The following LAMA2 variants were observed in gnomAD, a reference collection of about 807,000 sequenced individuals.
LAMA2 encodes laminin subunit alpha-2.
Under a neutral mutation model 364.8 loss-of-function variants are expected in LAMA2, and 269 were observed. The ratio of observed to expected loss-of-function variants is 0.74; its 90% CI spans 0.67 to 0.82. The LOEUF is 0.82. Among genes scored for constraint, LAMA2 ranks in the 40% least tolerant of loss-of-function variants. The probability of loss-of-function intolerance (pLI) is 0.00; values close to 1 mark genes in which losing one functional copy is unlikely to be tolerated. For synonymous variants in LAMA2, 1,379 were observed against 1,370.6 expected, an observed-to-expected ratio of 1.01 and a Z score of -0.14; for missense variants, 3,807 against 3,873.2, an observed-to-expected ratio of 0.98 and a Z score of 0.45.
At chr6:129,072,961 T>C (rs1419222906) in intron 3 of LAMA2, among the ~76,000 whole-genome samples, 1 of 152,118 alleles carries the variant, frequency 6.6e-6, no homozygotes, top group Non-Finnish European at 1.5e-5. Flanking sequence ...GTTAGTATAC[T>C]TTGTTTATTT....
intron 16 of LAMA2, 93 bp downstream of exon 16, chr6:129,267,312 C>T: frequency 5.8e-6 from 5 of 856,022 alleles, no homozygotes; most frequent in South Asian, 4.0e-5. Context: ...GGACCTTAAA[C>T]ACTTGAGTCA....
At chr6:129,380,979 A>T (rs1778651338) in intron 34 of LAMA2, among the ~76,000 whole-genome samples, 1 of 152,224 alleles carries the variant, frequency 6.6e-6, no homozygotes, top group Non-Finnish European at 1.5e-5. Context: ...CCAGAATTTA[A>T]AAGAGACAGT....
chr6:129,198,283 CTTT>C (rs1444362092), intron 12 of LAMA2, among the ~76,000 whole-genome samples: 1 of 151,834 alleles, frequency 6.6e-6, no homozygotes, highest in Non-Finnish European at 1.5e-5. Context: ...GTGAATTTCT[CTTT>C]TTATCTTTGT....
At chr6:129,235,013 AG>A (rs1784895833) in intron 12 of LAMA2, among the ~76,000 whole-genome samples, 1 of 152,162 alleles carries the variant, frequency 6.6e-6, no homozygotes, top group African/African-American at 2.4e-5. Flanking sequence ...TAAAAGTGGG[AG>A]TAAAATCTTA....
Position 129,438,709 on chromosome 6 carries a change from A to T in LAMA2, c.6032A>T (p.Asp2011Val), listed in dbSNP as rs748201053. The part of the protein sequence containing the change: ...RIENADARNG[D>V]LLRTLNDTLG... ...GAAAATGCTGATGCTAGAAATGGGG[A>T]TCTCTTGAGAACTTTGAATGACACT... The change falls in exon 42 of 65, where the codon GAT becomes GTT. Residue 2011 changes from aspartate to valine, a missense_variant. By Grantham distance (152) the Asp-to-Val change is radical (BLOSUM62 -3). This residue lies in a region of LAMA2 where 3,333 missense variants were observed against 3,345.7 expected (regional missense o/e 1.00). Coordinates refer to ENST00000421865, the MANE Select transcript of LAMA2 (RefSeq NM_000426.4). 5 of 1,609,732 alleles carry T rather than the reference A, an allele frequency of 3.1e-6. No homozygotes were observed. The African/African-American group carries it at 6.7e-5, about 22-fold the overall frequency.
At chr6:129,222,349 AT>A (rs199992815) in intron 12 of LAMA2, among the ~76,000 whole-genome samples, 15,248 of 147,286 alleles carry the variant, frequency 0.1, 1,018 homozygotes, top group East Asian at 0.3. Context: ...GGTACATAGC[AT>A]TTTTTTTTTT....
At chr6:129,469,509 G>A (rs1311248778) in intron 51 of LAMA2, among the ~76,000 whole-genome samples, 1 of 151,850 alleles carries the variant, frequency 6.6e-6, no homozygotes, top group East Asian at 1.9e-4. Flanking sequence ...GATATAAAGT[G>A]GCATAACATT....
intron 9 of LAMA2, among the ~76,000 whole-genome samples, chr6:129,167,953 A>G (rs1418329522): frequency 4.6e-4 from 65 of 141,158 alleles, no homozygotes; most frequent in Admixed American, 6.5e-4. Context: ...TTGGCTGCAT[A>G]AATGTCTTCT....
rs1465903877 is a variant in LAMA2, at chr6:129,503,213, A to G, written c.8480A>G (p.Tyr2827Cys). 5 of 1,614,110 alleles carry G rather than the reference A, an allele frequency of 3.1e-6. No homozygotes were observed. Among genetic ancestry groups the G allele is most frequent in the Non-Finnish European group, 3.4e-6 (4 of 1,179,962 alleles). Residue 2827 changes from tyrosine to cysteine, a missense_variant, in exon 60 of 65, where the codon TAT (tyrosine) becomes TGT (cysteine). Around this residue, in one of 3 missense-constraint regions of LAMA2, gnomAD observed 3,333 missense variants for 3,345.7 expected, o/e 1.00. Transcript: ENST00000421865. Reference protein sequence around the residue: ...QLRNGLPYFSYDLGSGDTHTM... With the variant: ...QLRNGLPYFSCDLGSGDTHTM... ...AGAAATGGATTGCCCTACTTCAGCT[A>G]TGACTTGGGGAGTGGGGACACCCAC... is the stretch of plus-strand genomic sequence containing the variant.
intron 12 of LAMA2, among the ~76,000 whole-genome samples, chr6:129,227,976 C>A (rs979592578): frequency 6.6e-6 from 1 of 152,164 alleles, no homozygotes; most frequent in African/African-American, 2.4e-5. Flanking sequence ...TGGGCTTCAC[C>A]CAGTTCAAGC....
In LAMA2 at chr6:129,492,597, AAT is replaced by A. The variant is rs1324126104; in HGVS notation, c.8244+118_8244+119del. 8.4e-6 allele frequency: 8 copies of A among 956,072 alleles called. No individual in the cohort carries two copies. In the Admixed American group the frequency reaches 1.5e-4, roughly 18 times the overall value. The allele number at this position is 956,072 out of a possible 1,614,324, so 59.2% of individuals were successfully genotyped here. On this transcript the variant is annotated intron_variant, in intron 58 of 64. Transcript: ENST00000421865. ...ACACTCTGATATTAGAATTGAAAGA[AAT>A]ATAACCTATCTAAACCTATTCTTAC...
At chr6:129,154,323 G>A (rs1267908571) in intron 7 of LAMA2, among the ~76,000 whole-genome samples, 182 bp from the exon 8 acceptor site, 1 of 152,078 alleles carries the variant, frequency 6.6e-6, no homozygotes, top group Middle Eastern at 3.4e-3. Context: ...GAGACAGGAG[G>A]ATTGCTTGAA....
At chr6:129,369,113 A>G (rs149830956) in intron 33 of LAMA2, among the ~76,000 whole-genome samples, 2 of 152,276 alleles carry the variant, frequency 1.3e-5, no homozygotes, top group African/African-American at 4.8e-5. Context: ...TGTGAATCCT[A>G]TCTAGAGGGA....
At position 129,328,407 on chromosome 6, in the gene LAMA2, T is replaced by C. The variant is rs755182290; in HGVS notation, c.4306T>C (p.Cys1436Arg). ...SSLCDPETSI[C>R]QNCQHHTAGD... ...CCTGTGTGACCCTGAAACATCGATA[T>C]GCCAGGTAGTCCTCTGAGCCTTCCT... The change falls in exon 29 of 65, where the codon TGC (cysteine) becomes CGC (arginine). Residue 1436 changes from cysteine (C) to arginine (R), a missense_variant. By Grantham distance (180) the Cys-to-Arg change is radical (BLOSUM62 -3). Coordinates refer to ENST00000421865, the MANE Select transcript of LAMA2 (RefSeq NM_000426.4). The C allele has an allele frequency of 1.9e-6, 3 of 1,614,188 alleles. No homozygotes were observed.
chr6:129,478,670 C>A, intron 53 of LAMA2, 23 bp from the exon 54 acceptor site: 1 of 1,612,570 alleles, frequency 6.2e-7, no homozygotes, highest in East Asian at 2.2e-5. Context: ...ATTGCTTTTG[C>A]TTTTCATTTG....
At position 129,507,629 on chromosome 6, in the gene LAMA2, T is replaced by C. The variant is rs926380387; in HGVS notation, c.8844T>C (p.Gly2948=). The C allele has an allele frequency of 3.7e-6, 6 of 1,613,984 alleles. No individual in the cohort carries two copies. The African/African-American group carries it at 8.0e-5, about 22-fold the overall frequency. Residue 2948 remains glycine (G), a synonymous_variant, in exon 62 of 65, where the codon GGT becomes GGC. Transcript: ENST00000421865. ...GGGGAACATATTTTGACGGAACCGG[T>C]TTTGCCAAAGCAGGTAAGGCTCTTT... is the stretch of plus-strand genomic sequence containing the variant. ...AQRGTYFDGT[G]FAKAVGGFKV...
intron 1 of LAMA2, among the ~76,000 whole-genome samples, chr6:128,976,154 G>A (rs1298421060): frequency 6.6e-6 from 1 of 152,138 alleles, no homozygotes; most frequent in Non-Finnish European, 1.5e-5. Context: ...GATTTTTTTT[G>A]TATTTTGACT....
At chr6:129,453,304 T>C (rs1048309871) in intron 46 of LAMA2, among the ~76,000 whole-genome samples, 173 bp downstream of exon 46, 1 of 152,152 alleles carries the variant, frequency 6.6e-6, no homozygotes, top group African/African-American at 2.4e-5. Flanking sequence ...TCAAATTAAG[T>C]TAGAAGGCAA....
chr6:129,005,521 T>C (rs1310823323), intron 1 of LAMA2, among the ~76,000 whole-genome samples: 3 of 151,956 alleles, frequency 2.0e-5, no homozygotes, highest in Non-Finnish European at 4.4e-5. Context: ...TAGATAACTT[T>C]TTGATTTCTC....
Sources: allele counts gnomAD v4.1 joint callset (sites outside exome capture counted in the v4.1 genomes callset), GRCh38; gene constraint gnomAD v4.1.1; regional missense constraint gnomAD v4.1.1; transcripts MANE v1.5; gene names NCBI Gene and HGNC (gene_info 2026-07-23, HGNC 2026-07-21).